The following PIK3C2G variants were observed in gnomAD, a reference collection of about 807,000 sequenced individuals.
PIK3C2G encodes the protein phosphatidylinositol-4-phosphate 3-kinase catalytic subunit type 2 gamma.
In PIK3C2G, 168 loss-of-function variants were observed where a neutral mutation model predicts 181.1. The observed-to-expected ratio is 0.93, with a 90% CI of 0.82 to 1.05. The LOEUF (loss-of-function observed/expected upper bound fraction) is 1.05, where lower values mean the gene tolerates loss of function less well. Ranked by LOEUF, PIK3C2G falls within the 50% of genes least tolerant of loss-of-function variation. PIK3C2G has a pLI of 0.00. For synonymous variants in PIK3C2G, 573 were observed against 592.2 expected (o/e 0.97, Z 0.47); for missense variants, 1,869 against 1,732.8 (o/e 1.08, Z -1.40).
At chr12:18,693,666 C>T in the PIK3C2G span, 1 of 1,566,246 alleles carries the variant, frequency 6.4e-7, no homozygotes, top group Non-Finnish European at 8.8e-7. Context: ...AGATATGACT[C>T]CAATTCTGGT....
chr12:18,245,987 G>C (rs1363811437), upstream of PIK3C2G, among the ~76,000 whole-genome samples: 3 of 152,070 alleles, frequency 2.0e-5, no homozygotes, highest in African/African-American at 7.2e-5. Flanking sequence ...ATTTTTGGTA[G>C]CTTATCAAGA....
intron 1 of PIK3C2G, among the ~76,000 whole-genome samples, chr12:18,278,715 T>TATTTTATAC (rs756844521): frequency 6.6e-6 from 1 of 152,164 alleles, no homozygotes; most frequent in Non-Finnish European, 1.5e-5. Context: ...GACTTTTAAT[T>TATTTTATAC]ATTTTATACA....
In PIK3C2G at chr12:18,282,692, C is replaced by G; in HGVS notation, c.611C>G (p.Ser204Cys). 1.2e-6 allele frequency: 2 copies of G among 1,613,112 alleles called. No individual in the cohort carries two copies. The highest frequency in any genetic ancestry group is 4.5e-5 in the East Asian group (2 of 44,864). Residue 204 changes from serine (S) to cysteine (C), a missense_variant, in exon 2 of 33, where the codon TCT (serine) becomes TGT (cysteine). Coordinates refer to ENST00000538779, the MANE Select transcript of PIK3C2G (RefSeq NM_001288772.2). ...RSGHVNIVEP[S>C]LMLLKGSLQP... ...GGACATGTGAACATTGTGGAACCAT[C>G]TTTGATGCTTTTGAAAGGCTCTCTT...
At position 18,273,426 on chromosome 12, in the gene PIK3C2G, T is replaced by C. The variant is rs1044868229; in HGVS notation, c.-78-8578T>C. Among the ~76,000 whole-genome samples the C allele has an allele frequency of 7.9e-5, 12 of 152,302 alleles. No homozygotes were observed. The South Asian group carries it at 1.2e-3, about 16-fold the overall frequency. On this transcript the variant is annotated intron_variant, in intron 1 of 32. Coordinates refer to ENST00000538779, the MANE Select transcript of PIK3C2G (RefSeq NM_001288772.2). ...TAGCGTGATGCCCCCAGCTTTGTTC[T>C]TTTGGCTTAGGATTGACTTGGCAAT...
chr12:18,492,356 C>A (rs971466863), intron 20 of PIK3C2G, among the ~76,000 whole-genome samples: 2 of 152,136 alleles, frequency 1.3e-5, no homozygotes, highest in Non-Finnish European at 2.9e-5. Context: ...AAAAATTAGA[C>A]CATTATTACT....
chr12:18,274,332 T>C (rs996929597), intron 1 of PIK3C2G, among the ~76,000 whole-genome samples: 1 of 152,236 alleles, frequency 6.6e-6, no homozygotes, highest in Non-Finnish European at 1.5e-5. Flanking sequence ...TAAATCATGC[T>C]GCTATAAAGA....
At chr12:18,323,529 G>A (rs1463569723) in intron 7 of PIK3C2G, among the ~76,000 whole-genome samples, 2 of 152,116 alleles carry the variant, frequency 1.3e-5, no homozygotes, top group Non-Finnish European at 2.9e-5. Flanking sequence ...ATCTAACACA[G>A]AGACATTCTC....
the PIK3C2G span, among the ~76,000 whole-genome samples, chr12:18,717,300 G>C: frequency 6.6e-6 from 1 of 151,632 alleles, no homozygotes; most frequent in African/African-American, 2.4e-5. Flanking sequence ...CTATAAATTG[G>C]GCTGTCTTTA....
chr12:18,255,040 C>G (rs566229138), intron 1 of PIK3C2G, among the ~76,000 whole-genome samples: 1 of 151,626 alleles, frequency 6.6e-6, no homozygotes, highest in Non-Finnish European at 1.5e-5. Flanking sequence ...ACCAGCCTGA[C>G]CAACATGGTG....
chr12:18,449,496 C>T (rs569138856), intron 18 of PIK3C2G, among the ~76,000 whole-genome samples: 1 of 152,178 alleles, frequency 6.6e-6, no homozygotes, highest in East Asian at 1.9e-4. Flanking sequence ...TGTTCCCCTC[C>T]CTGTGTCCAT....
intron 6 of PIK3C2G, 108 bp from the exon 7 acceptor site, chr12:18,320,854 T>C: frequency 1.5e-6 from 1 of 666,734 alleles, no homozygotes; most frequent in Non-Finnish European, 2.7e-6. Context: ...ATGAATGAGG[T>C]TTATCAAAAT....
the PIK3C2G span, among the ~76,000 whole-genome samples, chr12:18,656,890 G>C: frequency 3.3e-5 from 5 of 152,196 alleles, no homozygotes; most frequent in Non-Finnish European, 7.3e-5. Context: ...TTCAGTAAGA[G>C]AGATGTGGTG....
At chr12:18,716,295 T>A in the PIK3C2G span, among the ~76,000 whole-genome samples, 39 of 152,242 alleles carry the variant, frequency 2.6e-4, no homozygotes, top group Middle Eastern at 3.4e-3. Flanking sequence ...AAACTTTTCA[T>A]AAATAATATT....
At chr12:18,654,513 A>G in the PIK3C2G span, among the ~76,000 whole-genome samples, 1 of 152,224 alleles carries the variant, frequency 6.6e-6, no homozygotes, top group Non-Finnish European at 1.5e-5. Context: ...CCGAAATCCC[A>G]GGAAAATCAG....
chr12:18,410,714 A>G (rs916461037), intron 16 of PIK3C2G, among the ~76,000 whole-genome samples: 7 of 152,100 alleles, frequency 4.6e-5, no homozygotes, highest in African/African-American at 1.4e-4. Flanking sequence ...AAGGCAATAA[A>G]AGAACAGTCT....
the PIK3C2G span, chr12:18,693,695 C>T: frequency 7.0e-6 from 11 of 1,565,498 alleles, no homozygotes; most frequent in South Asian, 3.3e-5. Flanking sequence ...AGAAATTCAG[C>T]GAACAACGTT....
At chr12:18,291,046 T>C in intron 4 of PIK3C2G, 34 bp downstream of exon 4, 5 of 1,429,182 alleles carry the variant, frequency 3.5e-6, no homozygotes, top group Non-Finnish European at 4.8e-6. Context: ...TACAAATCTA[T>C]ACAAAGCTGG....
At chr12:18,385,280 G>C (rs943033383) in intron 14 of PIK3C2G, among the ~76,000 whole-genome samples, 10 of 152,144 alleles carry the variant, frequency 6.6e-5, no homozygotes, top group African/African-American at 2.2e-4. Context: ...GTATGACAAG[G>C]GATGTAATAT....
intron 16 of PIK3C2G, 115 bp downstream of exon 16, chr12:18,399,962 T>C: frequency 1.9e-6 from 1 of 526,242 alleles, no homozygotes. Context: ...ATTTTGATAG[T>C]TATGGATATT....
Sources: gnomAD v4.1 joint callset for allele counts (sites outside exome capture counted in the v4.1 genomes callset) on GRCh38, gnomAD v4.1.1 for gene constraint, MANE v1.5 for transcripts, NCBI Gene and HGNC (gene_info 2026-07-23, HGNC 2026-07-21) for gene names.